Variants in FSTL5 observed in about 807,000 individuals in gnomAD.
The protein encoded by FSTL5 is follistatin like 5.
FSTL5 carries 62 observed loss-of-function variants against 89.1 expected under a neutral mutation model. The observed-to-expected ratio is 0.70, with a 90% CI of 0.57 to 0.86. FSTL5 has a LOEUF of 0.86. Ranked by LOEUF, FSTL5 falls within the 40% of genes least tolerant of loss-of-function variation. FSTL5 has a pLI of 0.00. For missense variants in FSTL5, 1,057 were observed against 1,001.6 expected, an observed-to-expected ratio of 1.06 and a Z score of -0.75; for synonymous variants, 383 against 346.2, an observed-to-expected ratio of 1.11 and a Z score of -1.18.
intron 7 of FSTL5, among the ~76,000 whole-genome samples, chr4:161,633,755 T>C (rs1169912832): frequency 6.6e-6 from 1 of 152,148 alleles, no homozygotes; most frequent in Non-Finnish European, 1.5e-5. Flanking sequence ...AATGAAATTT[T>C]AAAACAGTAA....
At chr4:162,118,092 C>T (rs1731713735) in intron 1 of FSTL5, among the ~76,000 whole-genome samples, 1 of 152,150 alleles carries the variant, frequency 6.6e-6, no homozygotes, top group Admixed American at 6.5e-5. Flanking sequence ...TATTCCTTAC[C>T]TTAACCGGAA....
At chr4:161,820,522 A>G (rs1368020483) in intron 4 of FSTL5, among the ~76,000 whole-genome samples, 3 of 152,224 alleles carry the variant, frequency 2.0e-5, no homozygotes, top group Non-Finnish European at 4.4e-5. Context: ...TTCCTAGATC[A>G]ATGTGAATGT....
intron 15 of FSTL5, among the ~76,000 whole-genome samples, chr4:161,410,693 C>T (rs1731556106): frequency 6.6e-6 from 1 of 151,968 alleles, no homozygotes; most frequent in Admixed American, 6.6e-5. Flanking sequence ...AGAGACACAA[C>T]TTATCAAAAT....
intron 7 of FSTL5, among the ~76,000 whole-genome samples, chr4:161,615,842 CTA>C (rs1336238171): frequency 6.6e-6 from 1 of 152,086 alleles, no homozygotes; most frequent in Non-Finnish European, 1.5e-5. Flanking sequence ...ATTTCTGACA[CTA>C]TCAATATTTT....
chr4:161,590,572 A>G (rs1279307832), intron 7 of FSTL5, among the ~76,000 whole-genome samples: 2 of 152,142 alleles, frequency 1.3e-5, no homozygotes, highest in African/African-American at 4.8e-5. Flanking sequence ...TAGTCTGATT[A>G]AAATAATGGG....
intron 3 of FSTL5, among the ~76,000 whole-genome samples, chr4:162,011,540 C>A (rs1270678785): frequency 6.6e-6 from 1 of 151,898 alleles, no homozygotes; most frequent in Non-Finnish European, 1.5e-5. Flanking sequence ...GTCGCCCAGG[C>A]TGGAGTGCAG....
At chr4:161,579,724 A>C (rs946304236) in intron 8 of FSTL5, among the ~76,000 whole-genome samples, 1 of 60,972 alleles carries the variant, frequency 1.6e-5, no homozygotes, top group African/African-American at 5.8e-5. Flanking sequence ...CAAAAAACAA[A>C]AACAAACAAA....
At chr4:161,396,579 G>A (rs1731007070) in intron 15 of FSTL5, among the ~76,000 whole-genome samples, 1 of 151,446 alleles carries the variant, frequency 6.6e-6, no homozygotes, top group Non-Finnish European at 1.5e-5. Flanking sequence ...GCTTGAACCT[G>A]GGAGGCAGAG....
intron 3 of FSTL5, among the ~76,000 whole-genome samples, chr4:161,995,559 C>A (rs79328068): frequency 4.6e-5 from 7 of 152,004 alleles, no homozygotes; most frequent in African/African-American, 1.7e-4. Flanking sequence ...AGCAGACGGA[C>A]CAGGGTTATT....
intron 3 of FSTL5, among the ~76,000 whole-genome samples, chr4:162,019,209 CAAAT>C (rs1560973110): frequency 2.0e-5 from 3 of 151,932 alleles, no homozygotes; most frequent in South Asian, 4.1e-4. Flanking sequence ...AGCTGCTTAA[CAAAT>C]AAAAATAATT....
chr4:161,912,961 G>C (rs368314751), intron 4 of FSTL5, among the ~76,000 whole-genome samples: 2 of 152,142 alleles, frequency 1.3e-5, no homozygotes, highest in Non-Finnish European at 2.9e-5. Flanking sequence ...GTGGCACTTT[G>C]CCCCTGCCCC....
chr4:161,893,819 C>T (rs1034741576), intron 4 of FSTL5, among the ~76,000 whole-genome samples: 4 of 152,170 alleles, frequency 2.6e-5, no homozygotes, highest in Non-Finnish European at 5.9e-5. Flanking sequence ...TCTAAATTGA[C>T]ATCAGCAGTT....
chr4:161,858,621 A>G (rs936932292), intron 4 of FSTL5, among the ~76,000 whole-genome samples: 20 of 152,316 alleles, frequency 1.3e-4, no homozygotes, highest in African/African-American at 4.8e-4. Context: ...TTGAAATGGT[A>G]ATTCTAATTC....
intron 2 of FSTL5, among the ~76,000 whole-genome samples, chr4:162,052,360 T>C (rs572382786): frequency 6.6e-6 from 1 of 151,818 alleles, no homozygotes; most frequent in Admixed American, 6.6e-5. Context: ...CTTTTGTAGA[T>C]GATTTCAGAA....
chr4:161,795,128 G>A (rs938609298), intron 4 of FSTL5, among the ~76,000 whole-genome samples: 1 of 151,818 alleles, frequency 6.6e-6, no homozygotes, highest in Non-Finnish European at 1.5e-5. Flanking sequence ...AATGACTAAA[G>A]GAGTGCAGAA....
intron 4 of FSTL5, among the ~76,000 whole-genome samples, chr4:161,907,129 T>G (rs750381390): frequency 6.6e-6 from 1 of 152,106 alleles, no homozygotes; most frequent in African/African-American, 2.4e-5. Flanking sequence ...TAAAGTAATT[T>G]TGACATAAAT....
At chr4:161,529,081 A>T (rs1220671677) in intron 10 of FSTL5, among the ~76,000 whole-genome samples, 2 of 143,266 alleles carry the variant, frequency 1.4e-5, no homozygotes, top group African/African-American at 5.0e-5. Flanking sequence ...AGATCAAAAT[A>T]AGAAAGCATT....
At chr4:161,793,727 G>A (rs1729546572) in intron 4 of FSTL5, among the ~76,000 whole-genome samples, 1 of 151,790 alleles carries the variant, frequency 6.6e-6, no homozygotes, top group Non-Finnish European at 1.5e-5. Context: ...TCCTGCCTCA[G>A]CTCCCAGAGT....
chr4:161,685,845 G>A (rs904169397), intron 6 of FSTL5, among the ~76,000 whole-genome samples: 1 of 151,938 alleles, frequency 6.6e-6, no homozygotes, highest in Non-Finnish European at 1.5e-5. Context: ...TCCAGTTTTT[G>A]GAATGCTTTC....
Sources: gnomAD v4.1 joint callset for allele counts (sites outside exome capture counted in the v4.1 genomes callset) on GRCh38, gnomAD v4.1.1 for gene constraint, MANE v1.5 for transcripts, NCBI Gene and HGNC (gene_info 2026-07-23, HGNC 2026-07-21) for gene names.